Variants in ALDH6A1 observed in about 807,000 individuals in gnomAD.
ALDH6A1 encodes the protein aldehyde dehydrogenase 6 family member A1.
Under a neutral mutation model 62.6 loss-of-function variants are expected in ALDH6A1, and 43 were observed. That is an observed-to-expected ratio of 0.69 (90% CI 0.54 to 0.89). The LOEUF is 0.89. ALDH6A1 is among the 40% of genes least tolerant of loss of function. The pLI is 0.00. For synonymous variants in ALDH6A1, 194 were observed against 234.2 expected, an observed-to-expected ratio of 0.83 and a Z score of 1.57; for missense variants, 551 against 661.3, an observed-to-expected ratio of 0.83 and a Z score of 1.83.
At chr14:74,067,677 C>T (rs2060489678) in intron 7 of ALDH6A1, 108 bp from the exon 8 acceptor site, 23 of 1,189,512 alleles carry the variant, frequency 1.9e-5, no homozygotes, top group Non-Finnish European at 2.6e-5. Flanking sequence ...AATCCCAGCA[C>T]TTTGGAAGGC....
chr14:74,064,713 T>C (rs773860662), intron 11 of ALDH6A1, 109 bp downstream of exon 11: 1 of 1,614,028 alleles, frequency 6.2e-7, no homozygotes, highest in South Asian at 1.1e-5. Context: ...GCACTGATTA[T>C]GACCTCACAG....
At chr14:74,065,062 T>C in intron 10 of ALDH6A1, 119 bp downstream of exon 10, 2 of 1,391,980 alleles carry the variant, frequency 1.4e-6, no homozygotes, top group Admixed American at 1.9e-5. Context: ...GAGGAAGAAA[T>C]GGGGCAATGT....
At chr14:74,064,617 C>A in intron 11 of ALDH6A1, 1 of 1,481,648 alleles carries the variant, frequency 6.7e-7, no homozygotes, top group Non-Finnish European at 9.4e-7. Flanking sequence ...TTCCTCAAAA[C>A]TTTGTTGCTT....
intron 1 of ALDH6A1, among the ~76,000 whole-genome samples, chr14:74,079,685 G>A (rs1245297968): frequency 1.3e-5 from 2 of 152,048 alleles, no homozygotes; most frequent in African/African-American, 2.4e-5. Context: ...GCCCGCCTCA[G>A]CCTCCCAAAG....
intron 6 of ALDH6A1, chr14:74,069,323 T>A (rs2060517482): frequency 3.0e-6 from 1 of 334,698 alleles, no homozygotes; most frequent in African/African-American, 2.2e-5. Context: ...AGGCTGGTCT[T>A]GAACTCCTGA....
rs745365975 is a variant in ALDH6A1 at position 74,084,336 on chromosome 14, C to T, written c.48+11G>A. ...CTAGCTTCATGGTGCCTTGGCACCA[C>T]CCTCACTCGCCTGCAGGATCCGGGC... On this transcript the variant is annotated intron_variant, in intron 1 of 11. Transcript: ENST00000553458. 1 of 1,613,740 alleles carries T rather than the reference C, an allele frequency of 6.2e-7. No individual in the cohort carries two copies. Among genetic ancestry groups the T allele is most frequent in the South Asian group, 1.1e-5 (1 of 91,052 alleles).
chr14:74,062,166 C>T (rs2060360656), intron 11 of ALDH6A1, among the ~76,000 whole-genome samples: 1 of 151,672 alleles, frequency 6.6e-6, no homozygotes, highest in Admixed American at 6.6e-5. Flanking sequence ...CATTGCACTC[C>T]AGCCTGGGCA....
chr14:74,072,288 C>G lies in ALDH6A1; in HGVS notation c.263G>C (p.Arg88Pro). The G allele has an allele frequency of 6.2e-7, 1 of 1,614,214 alleles. No homozygotes were observed. ...AGTGTCTGCCCATGCAGGAAAAGCA[C>G]GTTTGCAGGAAGCAATGGCTGCATC... The part of the protein sequence containing the change: ...EMDAAIASCK[R>P]AFPAWADTSV... The change falls in exon 4 of 12, where the codon CGT becomes CCT. Residue 88 changes from arginine (R) to proline (P), a missense_variant. Coordinates refer to ENST00000553458, the MANE Select transcript of ALDH6A1 (RefSeq NM_005589.4).
At chr14:74,082,400 T>G (rs1348531400) in intron 1 of ALDH6A1, among the ~76,000 whole-genome samples, 3 of 137,404 alleles carry the variant, frequency 2.2e-5, no homozygotes, top group African/African-American at 5.6e-5. Context: ...GAGGTTTTTT[T>G]TTTTTTTTTT....
Position 74,059,156 on chromosome 14 carries a change from T to C in ALDH6A1, c.*1486A>G, listed in dbSNP as rs1019693630. 1 of 203,404 alleles carries C rather than the reference T, an allele frequency of 4.9e-6. No individual in the cohort carries two copies. The highest frequency in any genetic ancestry group is 2.4e-5 in the African/African-American group (1 of 41,884). The allele number at this position is 203,404 out of a possible 1,614,324, so 12.6% of individuals were successfully genotyped here. A position where few individuals can be genotyped will look rare whatever the true frequency, so the allele number is the denominator to read the frequency against. The stretch of plus-strand genomic sequence containing the variant: ...CAGAAGAAGACTGTCAAAGCATTTT[T>C]TTTTAACCACTTTATGTCATGGAAA... On this transcript the variant is annotated 3_prime_UTR_variant, in exon 12 of 12. Coordinates refer to ENST00000553458, the MANE Select transcript of ALDH6A1 (RefSeq NM_005589.4).
chr14:74,075,055 G>C (rs527705217), intron 1 of ALDH6A1, 38 bp from the exon 2 acceptor site: 1 of 1,597,730 alleles, frequency 6.3e-7, no homozygotes, highest in African/African-American at 1.3e-5. Flanking sequence ...ATAAATGAGA[G>C]CAGAAAGTTA....
chr14:74,057,137 A>G lies in ALDH6A1; in HGVS notation c.*3505T>C. On this transcript the variant is annotated 3_prime_UTR_variant, in exon 12 of 12. Coordinates refer to ENST00000553458, the MANE Select transcript of ALDH6A1 (RefSeq NM_005589.4). ...TTGACGGTTCTGTTATTTTGTCATT[A>G]TTGCAGGGATGAAAGTAAGCTTCAA... 6.2e-7 allele frequency: 1 copy of G among 1,609,376 alleles called. No homozygotes were observed. Among genetic ancestry groups the G allele is most frequent in the South Asian group, 1.1e-5 (1 of 90,794 alleles).
intron 9 of ALDH6A1, among the ~76,000 whole-genome samples, chr14:74,066,370 T>C (rs1366127446): frequency 6.6e-6 from 1 of 152,214 alleles, no homozygotes; most frequent in East Asian, 1.9e-4. Flanking sequence ...TCAGTGTCCA[T>C]AAATAACATT....
chr14:74,062,001 T>C (rs2060352705), intron 11 of ALDH6A1, among the ~76,000 whole-genome samples: 1 of 131,590 alleles, frequency 7.6e-6, no homozygotes, highest in East Asian at 2.2e-4. Flanking sequence ...CTTGAGGCCA[T>C]GAGCTCAAGA....
intron 11 of ALDH6A1, among the ~76,000 whole-genome samples, chr14:74,062,024 A>G (rs7140208): frequency 0.018 from 2,652 of 144,410 alleles, 55 homozygotes; most frequent in African/African-American, 0.051. Flanking sequence ...AGCCTGGCCC[A>G]ACATGGCGAA....
rs1335605530 is a variant in ALDH6A1 at position 74,060,752 on chromosome 14, G to T, written c.1504-6C>A. On this transcript the variant is annotated splice_region_variant and splice_polypyrimidine_tract_variant and intron_variant, in intron 11 of 11. Transcript: ENST00000553458. ...TGAGTGTAGAATTGGATGCCCTAAG[G>T]AAAACAGAAAAAAAGTTAGCATATA... is the stretch of plus-strand genomic sequence containing the variant. 1 of 1,585,458 alleles carries T rather than the reference G, an allele frequency of 6.3e-7. No individual in the cohort carries two copies. The highest frequency in any genetic ancestry group is 1.7e-5 in the Admixed American group (1 of 59,942).
intron 1 of ALDH6A1, among the ~76,000 whole-genome samples, chr14:74,076,790 T>G (rs1047408024): frequency 1.3e-5 from 2 of 152,148 alleles, no homozygotes; most frequent in African/African-American, 4.8e-5. Flanking sequence ...CCTCAGGTGA[T>G]CCACCCGCCT....
rs537629910 is a variant in ALDH6A1 at position 74,058,971 on chromosome 14, C to G, written c.*1671G>C. On this transcript the variant is annotated 3_prime_UTR_variant, in exon 12 of 12. Transcript: ENST00000553458. ...TGGTGGCGTATGCCTGAAATCCCAG[C>G]TACTCAGGAGGCTGAGGCAGGAGAA... 1 of 154,124 alleles carries G rather than the reference C, an allele frequency of 6.5e-6. No homozygotes were observed. The highest frequency in any genetic ancestry group is 1.4e-5 in the Non-Finnish European group (1 of 70,136). 9.5% of individuals were successfully genotyped at this position (154,124 alleles called of 1,614,324 possible).
intron 11 of ALDH6A1, 59 bp downstream of exon 11, chr14:74,064,763 T>A: frequency 6.2e-7 from 1 of 1,611,372 alleles, no homozygotes; most frequent in Non-Finnish European, 8.5e-7. Context: ...TCCTTGCTCC[T>A]GAATATCTTT....
Sources: allele counts gnomAD v4.1 joint callset (sites outside exome capture counted in the v4.1 genomes callset), GRCh38; gene constraint gnomAD v4.1.1; transcripts MANE v1.5; gene names NCBI Gene and HGNC (gene_info 2026-07-23, HGNC 2026-07-21).